SCRN1: variants seen among roughly 807,000 people sequenced by gnomAD.
The protein encoded by SCRN1 is secernin-1.
SCRN1 carries 19 observed loss-of-function variants against 43.3 expected under a neutral mutation model. The ratio of observed to expected loss-of-function variants is 0.44; its 90% CI spans 0.31 to 0.64. The LOEUF (loss-of-function observed/expected upper bound fraction) is 0.64, where lower values mean the gene tolerates loss of function less well. SCRN1 is among the 30% of genes least tolerant of loss of function. The pLI is 0.09. For synonymous variants in SCRN1, 183 were observed against 188.9 expected, an observed-to-expected ratio of 0.97 and a Z score of 0.26; for missense variants, 447 against 524.1, an observed-to-expected ratio of 0.85 and a Z score of 1.44.
intron 5 of SCRN1, among the ~76,000 whole-genome samples, chr7:29,937,024 C>T (rs199519424): frequency 2.0e-4 from 31 of 152,104 alleles, no homozygotes; most frequent in East Asian, 1.2e-3. Flanking sequence ...CCAGCCTGGG[C>T]GACAGAGCGA....
At chr7:29,968,833 A>G in intron 2 of SCRN1, 76 bp downstream of exon 2, 1 of 1,559,390 alleles carries the variant, frequency 6.4e-7, no homozygotes, top group Non-Finnish European at 8.8e-7. Flanking sequence ...GCTTCCAAGC[A>G]AGAAGTTAGG....
chr7:29,984,266 A>AAATTATT (rs1789083672), intron 1 of SCRN1, among the ~76,000 whole-genome samples: 2 of 151,828 alleles, frequency 1.3e-5, no homozygotes, highest in African/African-American at 4.8e-5. Context: ...AAGCCAAAAT[A>AAATTATT]AATTATTATA....
intron 1 of SCRN1, among the ~76,000 whole-genome samples, chr7:29,983,550 G>A (rs1286992345): frequency 6.6e-6 from 1 of 152,016 alleles, no homozygotes; most frequent in East Asian, 1.9e-4. Context: ...ATGTAAAAAA[G>A]TCAGCCCTCC....
rs1786828629 is a variant in SCRN1 at position 29,923,278 on chromosome 7, A to T, written c.*679T>A. On this transcript the variant is annotated 3_prime_UTR_variant, in exon 8 of 8. Coordinates refer to ENST00000242059, the MANE Select transcript of SCRN1 (RefSeq NM_014766.5). The stretch of plus-strand genomic sequence containing the variant: ...GCTAACAAATTATCAGCTCTCCTGT[A>T]AGTGGAAGCAGCTCTGCAGTCCACC... The T allele has an allele frequency of 6.6e-6, 1 of 152,246 alleles. No homozygotes were observed. The highest frequency in any genetic ancestry group is 2.4e-5 in the African/African-American group (1 of 41,452). The allele number at this position is 152,246 out of a possible 1,614,324, so 9.4% of individuals were successfully genotyped here.
rs925079675 is a variant in SCRN1 at position 29,936,453 on chromosome 7, T to C, written c.905+103A>G. The C allele has an allele frequency of 5.7e-6, 6 of 1,059,880 alleles. No homozygotes were observed. The African/African-American group carries it at 6.4e-5, about 11-fold the overall frequency. 65.7% of individuals were successfully genotyped at this position (1,059,880 alleles called of 1,614,324 possible). ...AGCTGACTGAAAAACGTGACTTTGC[T>C]ATCCAAGGGGAGGACATGGTCAGGC... On this transcript the variant is annotated intron_variant, in intron 6 of 7. Coordinates refer to ENST00000242059, the MANE Select transcript of SCRN1 (RefSeq NM_014766.5).
intron 3 of SCRN1, chr7:29,947,223 A>T: frequency 6.4e-7 from 1 of 1,550,628 alleles, no homozygotes; most frequent in Non-Finnish European, 8.7e-7. Context: ...TCCTGAATTC[A>T]ATTCCTAGTT....
At chr7:29,962,775 C>A (rs1475899792) in intron 2 of SCRN1, among the ~76,000 whole-genome samples, 1 of 152,106 alleles carries the variant, frequency 6.6e-6, no homozygotes, top group East Asian at 1.9e-4. Flanking sequence ...ATGAAAAGTT[C>A]TTACTCTTCA....
chr7:29,926,868 T>C (rs1786979273), intron 6 of SCRN1, among the ~76,000 whole-genome samples: 3 of 152,088 alleles, frequency 2.0e-5, no homozygotes, highest in Non-Finnish European at 4.4e-5. Flanking sequence ...CAAAGAGACA[T>C]CAAAACAGAC....
At chr7:29,941,001 A>T in intron 4 of SCRN1, 125 bp from the exon 5 acceptor site, 1 of 781,968 alleles carries the variant, frequency 1.3e-6, no homozygotes, top group Non-Finnish European at 1.8e-6. Flanking sequence ...AATCCATTTA[A>T]TTTTTGAAGA....
chr7:29,924,888 C>A (rs1221010218), intron 7 of SCRN1, among the ~76,000 whole-genome samples: 1 of 152,194 alleles, frequency 6.6e-6, no homozygotes, highest in Non-Finnish European at 1.5e-5. Context: ...GCTCTCACCA[C>A]CCGCCCACCA....
chr7:29,952,165 C>T (rs577042389), intron 3 of SCRN1, among the ~76,000 whole-genome samples: 6 of 152,332 alleles, frequency 3.9e-5, no homozygotes, highest in African/African-American at 7.2e-5. Flanking sequence ...TCACCGTAAC[C>T]GTGCATCAGC....
intron 6 of SCRN1, among the ~76,000 whole-genome samples, chr7:29,932,350 T>C (rs914708949): frequency 2.0e-5 from 3 of 152,080 alleles, no homozygotes; most frequent in Non-Finnish European, 2.9e-5. Context: ...ATTATCTAGA[T>C]GGTAATATCT....
At position 29,920,189 on chromosome 7, in the gene SCRN1, G is replaced by C. The variant is rs952052156; in HGVS notation, c.*3768C>G. ...CAAGCACTGGATAGGGATATTATCT[G>C]CTTTGTAGATATTTGTACAAAAGAC... On this transcript the variant is annotated 3_prime_UTR_variant, in exon 8 of 8. Transcript: ENST00000242059. 6.6e-6 allele frequency: 1 copy of C among 152,520 alleles called. No homozygotes were observed. The highest frequency in any genetic ancestry group is 2.4e-5 in the African/African-American group (1 of 41,386). 9.4% of individuals were successfully genotyped at this position (152,520 alleles called of 1,614,324 possible). A position where few individuals can be genotyped will look rare whatever the true frequency, so the allele number is the denominator to read the frequency against.
chr7:29,963,336 C>T (rs1011944860), intron 2 of SCRN1, among the ~76,000 whole-genome samples: 1 of 151,966 alleles, frequency 6.6e-6, no homozygotes, highest in Non-Finnish European at 1.5e-5. Context: ...GAGTATCAGG[C>T]TAAAGGGAGG....
chr7:29,950,816 G>A lies in SCRN1; in HGVS notation c.341+4363C>T, dbSNP rs1787895472. 1.3e-5 allele frequency among the ~76,000 whole-genome samples: 2 copies of A among 152,230 alleles called. No homozygotes were observed. The highest frequency in any genetic ancestry group is 4.8e-5 in the African/African-American group (2 of 41,450). On this transcript the variant is annotated intron_variant, in intron 3 of 7. Transcript: ENST00000242059. This position sits in a 1 kb window ranked among gnomAD's most constrained non-coding sequence, Gnocchi z 4.5. ...AGCTGGATACTCGTCAGGATGACCT[G>A]CCTGCAGAATGGAGCTACCCACTTT... is the stretch of plus-strand genomic sequence containing the variant.
rs369177806 is a variant in SCRN1, at chr7:29,955,351, T to C, written c.169A>G (p.Ile57Val). ...EPESKVECTY[I>V]SIDQVPRTYA... ...GTCCTTGGAACTTGGTCGATTGAAA[T>C]GTAAGTGCACTGAAAAACAAACACA... The change falls in exon 3 of 8, where the codon ATT becomes GTT. Residue 57 changes from isoleucine to valine, a missense_variant. Physicochemically the swap from Ile to Val is conservative, Grantham distance 29. Transcript: ENST00000242059. The C allele has an allele frequency of 3.2e-5, 52 of 1,613,522 alleles. No individual in the cohort carries two copies. Among genetic ancestry groups the C allele is most frequent in the South Asian group, 2.2e-4 (20 of 90,924 alleles).
At chr7:29,960,495 G>A (rs1788273102) in intron 2 of SCRN1, among the ~76,000 whole-genome samples, 2 of 152,132 alleles carry the variant, frequency 1.3e-5, no homozygotes, top group Admixed American at 6.5e-5. Context: ...AAAATATTAT[G>A]TGTCAAATCT....
chr7:29,925,140 T>C (rs1000812171), intron 7 of SCRN1, among the ~76,000 whole-genome samples: 2 of 152,110 alleles, frequency 1.3e-5, no homozygotes, highest in African/African-American at 2.4e-5. Context: ...GAAAACACAG[T>C]TGAATGCAGT....
chr7:29,922,246 A>G lies in SCRN1; in HGVS notation c.*1711T>C, dbSNP rs1786793008. The G allele has an allele frequency of 6.6e-6, 1 of 152,172 alleles. No individual in the cohort carries two copies. Among genetic ancestry groups the G allele is most frequent in the Admixed American group, 6.5e-5 (1 of 15,278 alleles). The allele number at this position is 152,172 out of a possible 1,614,324, so 9.4% of individuals were successfully genotyped here. ...CAATGTGTGGTTAATGATTTTATATACAGAGTTTACAAAACTGCTGACTAA... is the reference window on the plus strand; with the variant it reads ...CAATGTGTGGTTAATGATTTTATATGCAGAGTTTACAAAACTGCTGACTAA... On this transcript the variant is annotated 3_prime_UTR_variant, in exon 8 of 8. Coordinates refer to ENST00000242059, the MANE Select transcript of SCRN1 (RefSeq NM_014766.5).
Sources: gnomAD v4.1 joint callset for allele counts (sites outside exome capture counted in the v4.1 genomes callset) on GRCh38, gnomAD v4.1.1 for gene constraint, Gnocchi (gnomAD v3.1) non-coding constraint, MANE v1.5 for transcripts, NCBI Gene and HGNC (gene_info 2026-07-23, HGNC 2026-07-21) for gene names.